The following GEMIN4 variants were observed in gnomAD, a reference collection of about 807,000 sequenced individuals.
GEMIN4 encodes the protein gem-associated protein 4.
A neutral mutation model predicts 76.8 loss-of-function variants in GEMIN4; 59 were observed. The observed-to-expected ratio is 0.77, with a 90% CI of 0.62 to 0.95. The LOEUF is 0.95. Among genes scored for constraint, GEMIN4 ranks in the 40% least tolerant of loss-of-function variants. The pLI is 0.00. For synonymous variants in GEMIN4, 562 were observed against 559.7 expected, an observed-to-expected ratio of 1.00 and a Z score of -0.06; for missense variants, 1,311 against 1,318.9, an observed-to-expected ratio of 0.99 and a Z score of 0.09.
In GEMIN4 at chr17:745,764, T is replaced by G; in HGVS notation, c.2279A>C (p.His760Pro). 6.2e-7 allele frequency: 1 copy of G among 1,611,200 alleles called. No homozygotes were observed. The change falls in exon 2 of 2, where the codon CAC becomes CCC. Residue 760 changes from histidine (H) to proline (P), a missense_variant. By Grantham distance (77) the His-to-Pro change is moderately conservative. This residue lies in a region of GEMIN4 where 1,208 missense variants were observed against 1,166.9 expected (regional missense o/e 1.04). Coordinates refer to ENST00000319004, the MANE Select transcript of GEMIN4 (RefSeq NM_015721.3). The surrounding 1 kb of genome is among the most constrained non-coding windows in gnomAD (Gnocchi z 4.6). ...CCAGTCTAGCTGTTCTAACTTGCGG[T>G]GGAGCCAGGACAGGGACTTGATCCA... ...DVWIKSLSWL[H>P]RKLEQLDWTV...
intron 1 of GEMIN4, chr17:748,638 A>G: frequency 4.5e-6 from 1 of 220,586 alleles, no homozygotes; most frequent in Non-Finnish European, 9.2e-6. Flanking sequence ...TGACAGATGA[A>G]GGGAGCATAG....
At chr17:750,080 G>T (rs994012320) in intron 1 of GEMIN4, 1 of 762,382 alleles carries the variant, frequency 1.3e-6, no homozygotes, top group Non-Finnish European at 1.6e-6. Flanking sequence ...TTCTGGCCAG[G>T]TTCAGTGGCT....
In GEMIN4 at chr17:744,667, C is replaced by A. The variant is rs1974317916; in HGVS notation, c.*199G>T. On this transcript the variant is annotated 3_prime_UTR_variant, in exon 2 of 2. Transcript: ENST00000319004. ...TATGATAGTTTGTACGTTACAAATACCCAAGAAACTATTTTCTTTACACCA... is the reference window on the plus strand; with the variant it reads ...TATGATAGTTTGTACGTTACAAATAACCAAGAAACTATTTTCTTTACACCA... The A allele has an allele frequency of 2.0e-5, 11 of 554,462 alleles. No individual in the cohort carries two copies. 34.3% of individuals were successfully genotyped at this position (554,462 alleles called of 1,614,324 possible). A position where few individuals can be genotyped will look rare whatever the true frequency, so the allele number is the denominator to read the frequency against.
Position 746,327 on chromosome 17 carries a change from G to A in GEMIN4, c.1716C>T (p.Leu572=), listed in dbSNP as rs767791810. The A allele has an allele frequency of 2.7e-5, 44 of 1,613,644 alleles. No homozygotes were observed. Among genetic ancestry groups the A allele is most frequent in the Middle Eastern group, 3.3e-4 (2 of 6,084 alleles). ...TCTGGGCCAGGAACTTGTGGGTGCCGAGATTGACCACAGCCAGGCTGCACA... is the reference window on the plus strand; with the variant it reads ...TCTGGGCCAGGAACTTGTGGGTGCCAAGATTGACCACAGCCAGGCTGCACA... ...KKMCSLAVVN[L]GTHKFLAQIL... The change falls in exon 2 of 2, where the codon CTC becomes CTT. Residue 572 remains leucine (L), a synonymous_variant. Transcript: ENST00000319004. This position sits in a 1 kb window ranked among gnomAD's most constrained non-coding sequence, Gnocchi z 4.3.
rs770262994 is a variant in GEMIN4, at chr17:746,112, G to A, written c.1931C>T (p.Ala644Val). The A allele has an allele frequency of 1.9e-6, 3 of 1,613,854 alleles. No individual in the cohort carries two copies. In the African/African-American group the frequency reaches 4.0e-5, roughly 22 times the overall value. ...PVKPQGIPVA[A>V]LLEPDEVLKE... ...CAGCACCTCGTCTGGCTCAAGAAGAGCAGCCACTGGAATCCCTTGGGGTTT... is the reference window on the plus strand; with the variant it reads ...CAGCACCTCGTCTGGCTCAAGAAGAACAGCCACTGGAATCCCTTGGGGTTT... Residue 644 changes from alanine to valine, a missense_variant, in exon 2 of 2, where the codon GCT becomes GTT. By Grantham distance (64) the Ala-to-Val change is moderately conservative. Around this residue, in one of 2 missense-constraint regions of GEMIN4, gnomAD observed 1,208 missense variants for 1,166.9 expected, o/e 1.04. Transcript: ENST00000319004. This position sits in a 1 kb window ranked among gnomAD's most constrained non-coding sequence, Gnocchi z 4.3.
intron 1 of GEMIN4, chr17:750,081 T>G: frequency 2.7e-6 from 2 of 744,438 alleles, no homozygotes; most frequent in Non-Finnish European, 3.3e-6. Context: ...TCTGGCCAGG[T>G]TCAGTGGCTA....
upstream of GEMIN4, chr17:752,388 A>T (rs556633633): frequency 5.9e-6 from 5 of 849,728 alleles, no homozygotes; most frequent in South Asian, 3.1e-4. Context: ...AGGTACCCGG[A>T]CGTCGCTCAC....
rs760767496 is a variant in GEMIN4, at chr17:746,540, ACC to A, written c.1501_1502del (p.Gly501TyrfsTer12). On this transcript the variant is annotated frameshift_variant, in exon 2 of 2. Transcript: ENST00000319004. LOFTEE classifies it high-confidence loss of function. This position sits in a 1 kb window ranked among gnomAD's most constrained non-coding sequence, Gnocchi z 4.3. ...SLPGKNKVLA[G>X]ILRSWGRKGL... ...CCTTTCGCCCCCAGGAACGCAGGAT[ACC>A]TGCAAGGACTTTATTTTTACCTGGC... 1 of 1,613,834 alleles carries A rather than the reference ACC, an allele frequency of 6.2e-7. No homozygotes were observed. Among genetic ancestry groups the A allele is most frequent in the Non-Finnish European group, 8.5e-7 (1 of 1,179,886 alleles).
At position 745,645 on chromosome 17, in the gene GEMIN4, C is replaced by T. The variant is rs986128044; in HGVS notation, c.2398G>A (p.Glu800Lys). ...CCTGGGTGGGCCTGGGAGGTCCACT[C>T]GTCTTCTGAAAGCTTACAGATCTCA... ...LFEICKLSED[E>K]WTSQAHPGYG... Residue 800 changes from glutamate (E) to lysine (K), a missense_variant, in exon 2 of 2, where the codon GAG becomes AAG. Glu to Lys is a moderately conservative substitution (Grantham distance 56). This residue lies in a region of GEMIN4 where 1,208 missense variants were observed against 1,166.9 expected (regional missense o/e 1.04). Transcript: ENST00000319004. The surrounding 1 kb of genome is among the most constrained non-coding windows in gnomAD (Gnocchi z 4.6). 1.2e-5 allele frequency: 19 copies of T among 1,599,506 alleles called. No individual in the cohort carries two copies. Among genetic ancestry groups the T allele is most frequent in the Non-Finnish European group, 1.5e-5 (18 of 1,173,648 alleles).
Position 745,348 on chromosome 17 carries a change from G to A in GEMIN4, c.2695C>T (p.Leu899=), listed in dbSNP as rs764237614. The change falls in exon 2 of 2, where the codon CTG becomes TTG. Residue 899 remains leucine, a synonymous_variant. Coordinates refer to ENST00000319004, the MANE Select transcript of GEMIN4 (RefSeq NM_015721.3). This position sits in a 1 kb window ranked among gnomAD's most constrained non-coding sequence, Gnocchi z 4.6. ...TGGGCAAAGGGCTTCAGGTTGAGCA[G>A]GGGAACAAACTGAATATATTCCAGG... ...YSLEYIQFVP[L]LNLKPFAQEL... 1.2e-6 allele frequency: 2 copies of A among 1,613,014 alleles called. No homozygotes were observed. The highest frequency in any genetic ancestry group is 1.7e-5 in the Admixed American group (1 of 60,020).
At chr17:752,539 T>G, upstream of GEMIN4, 1 of 482,238 alleles carries the variant, frequency 2.1e-6, no homozygotes, top group Non-Finnish European at 2.8e-6. Context: ...ACCGAGCGCC[T>G]CCCCCGGGAC....
Position 746,718 on chromosome 17 carries a change from C to G in GEMIN4, c.1325G>C (p.Gly442Ala). 1 of 1,613,644 alleles carries G rather than the reference C, an allele frequency of 6.2e-7. No homozygotes were observed. ...CTGTCGGAAGAGGGCCCTGTTACTCCCCAGGCAGGCTACCCACTCGTCCGA... is the reference window on the plus strand; with the variant it reads ...CTGTCGGAAGAGGGCCCTGTTACTCGCCAGGCAGGCTACCCACTCGTCCGA... ...AFSDEWVACLGSNRALFRQPD... is the reference protein window; with the variant it reads ...AFSDEWVACLASNRALFRQPD... Residue 442 changes from glycine to alanine, a missense_variant, in exon 2 of 2, where the codon GGG (glycine) becomes GCG (alanine). Physicochemically the swap from Gly to Ala is moderately conservative, Grantham distance 60. Around this residue, in one of 2 missense-constraint regions of GEMIN4, gnomAD observed 1,208 missense variants for 1,166.9 expected, o/e 1.04. Transcript: ENST00000319004. This position sits in a 1 kb window ranked among gnomAD's most constrained non-coding sequence, Gnocchi z 4.3.
chr17:748,379 G>A (rs937152450), intron 1 of GEMIN4: 1 of 249,384 alleles, frequency 4.0e-6, no homozygotes, highest in Non-Finnish European at 7.7e-6. Flanking sequence ...GGAAGTTCAG[G>A]AGGGAAGTAA....
Position 746,823 on chromosome 17 carries a change from G to A in GEMIN4, c.1220C>T (p.Ala407Val), listed in dbSNP as rs1391453259. Reference protein sequence around the residue: ...RALEDITASIAMAVIQQKMDR... With the variant: ...RALEDITASIVMAVIQQKMDR... ...CATCTTCTGCTGGATGACGGCCATGGCAATGGAAGCTGTGATATCCTCCAA... is the reference window on the plus strand; with the variant it reads ...CATCTTCTGCTGGATGACGGCCATGACAATGGAAGCTGTGATATCCTCCAA... Residue 407 changes from alanine (A) to valine (V), a missense_variant, in exon 2 of 2, where the codon GCC (alanine) becomes GTC (valine). By Grantham distance (64) the Ala-to-Val change is moderately conservative (BLOSUM62 0). Around this residue, in one of 2 missense-constraint regions of GEMIN4, gnomAD observed 1,208 missense variants for 1,166.9 expected, o/e 1.04. Coordinates refer to ENST00000319004, the MANE Select transcript of GEMIN4 (RefSeq NM_015721.3). The surrounding 1 kb of genome is among the most constrained non-coding windows in gnomAD (Gnocchi z 4.3). 6.2e-7 allele frequency: 1 copy of A among 1,613,836 alleles called. No individual in the cohort carries two copies. Among genetic ancestry groups the A allele is most frequent in the Admixed American group, 1.7e-5 (1 of 60,012 alleles).
chr17:752,572 A>C, upstream of GEMIN4: 1 of 765,306 alleles, frequency 1.3e-6, no homozygotes, highest in South Asian at 6.0e-5. Context: ...GCGCGGCCGC[A>C]CCACGCGAGG....
rs559242583 is a variant in GEMIN4 at position 747,070 on chromosome 17, G to A, written c.973C>T (p.Arg325Trp). Residue 325 changes from arginine (R) to tryptophan (W), a missense_variant, in exon 2 of 2, where the codon CGG (arginine) becomes TGG (tryptophan). Coordinates refer to ENST00000319004, the MANE Select transcript of GEMIN4 (RefSeq NM_015721.3). ...VGCEFLHHLL[R>W]EWGEELQAVL... is the part of the protein sequence containing the mutation. ...GCCTGCAACTCCTCCCCCCACTCCC[G>A]CAGCAGGTGGTGCAGGAACTCGCAG... 2,443 of 1,613,492 alleles carry A rather than the reference G, an allele frequency of 1.5e-3. 41 individuals carry two copies. The South Asian group carries it at 0.025, about 17-fold the overall frequency.
rs1243727990 is a variant in GEMIN4, at chr17:746,601, TG to T, written c.1441del (p.His481ThrfsTer2). The T allele has an allele frequency of 3.7e-6, 6 of 1,613,612 alleles. No homozygotes were observed. Among genetic ancestry groups the T allele is most frequent in the Non-Finnish European group, 5.1e-6 (6 of 1,179,882 alleles). ...IPESQIRQVI[H>X]LILECYADLS... ...GTCTGCGTAACATTCCAGGATCAGG[TG>T]GATCACCTGCCGGATCTGAGACTCA... On this transcript the variant is annotated frameshift_variant, in exon 2 of 2. Coordinates refer to ENST00000319004, the MANE Select transcript of GEMIN4 (RefSeq NM_015721.3). LOFTEE classifies it high-confidence loss of function. This position sits in a 1 kb window ranked among gnomAD's most constrained non-coding sequence, Gnocchi z 4.3.
rs1045481 is a variant in GEMIN4, at chr17:744,917, G to C, written c.3126C>G (p.Ile1042Met). 6.2e-7 allele frequency: 1 copy of C among 1,613,416 alleles called. No individual in the cohort carries two copies. Among genetic ancestry groups the C allele is most frequent in the African/African-American group, 1.3e-5 (1 of 75,040 alleles). ...GGGTTTGGCGCCGTTCTTCAGGGCC[G>C]ATGCCCTCAGCAATGGACTTTAAGA... The part of the protein sequence containing the change: ...QRFLKSIAEG[I>M]GPEERRQTLL... The change falls in exon 2 of 2, where the codon ATC (isoleucine) becomes ATG (methionine). Residue 1042 changes from isoleucine (I) to methionine (M), a missense_variant. Around this residue, in one of 2 missense-constraint regions of GEMIN4, gnomAD observed 1,208 missense variants for 1,166.9 expected, o/e 1.04. Transcript: ENST00000319004.
In GEMIN4 at chr17:744,749, G is replaced by C; in HGVS notation, c.*117C>G. 9.3e-7 allele frequency: 1 copy of C among 1,074,330 alleles called. No individual in the cohort carries two copies. Among genetic ancestry groups the C allele is most frequent in the South Asian group, 1.7e-5 (1 of 58,826 alleles). The allele number at this position is 1,074,330 out of a possible 1,614,324, so 66.5% of individuals were successfully genotyped here. On this transcript the variant is annotated 3_prime_UTR_variant, in exon 2 of 2. Transcript: ENST00000319004. The stretch of plus-strand genomic sequence containing the variant: ...CATAACTGTAAAGTCCAGGCTGCTC[G>C]GGTCTGACCCCTACAGACCTGCCAT...
Sources: gnomAD v4.1 joint callset for allele counts on GRCh38, gnomAD v4.1.1 for gene constraint, gnomAD v4.1.1 regional missense constraint, Gnocchi (gnomAD v3.1) non-coding constraint, MANE v1.5 for transcripts, NCBI Gene and HGNC (gene_info 2026-07-23, HGNC 2026-07-21) for gene names.